Variants in BPIFC observed in about 807,000 individuals in gnomAD.
BPIFC encodes the protein BPI fold-containing family C protein.
A neutral mutation model predicts 57.6 loss-of-function variants in BPIFC; 60 were observed. The observed-to-expected ratio is 1.04, with a 90% CI of 0.85 to 1.29. The LOEUF is 1.29. BPIFC is among the 50% of genes most tolerant of loss of function. BPIFC has a pLI of 0.00. For missense variants in BPIFC, 581 were observed against 600.5 expected (o/e 0.97, Z 0.34); for synonymous variants, 243 against 224.5 (o/e 1.08, Z -0.74).
chr22:32,432,502 C>T lies in BPIFC; in HGVS notation c.1020G>A (p.Arg340=), dbSNP rs775734163. The change falls in exon 12 of 17, where the codon AGG becomes AGA. Residue 340 remains arginine (R), a synonymous_variant. Coordinates refer to ENST00000300399, the MANE Select transcript of BPIFC (RefSeq NM_174932.3). ...IYILSQPFMV[R]IMATEPPIIN... ...TTATGGGAGGCTCTGTGGCCATGAT[C>T]CTCACCATGAAGGGCTGGGACAAGA... 3.9e-5 allele frequency: 63 copies of T among 1,613,996 alleles called. No individual in the cohort carries two copies. The highest frequency in any genetic ancestry group is 5.2e-5 in the Non-Finnish European group (61 of 1,180,034).
rs1569448041 is a variant in BPIFC, at chr22:32,424,675, T to TCCTCCTCCTCCTCCTCCTCCTCC, written c.1218-5272_1218-5271insGGAGGAGGAGGAGGAGGAGGAGG. On this transcript the variant is annotated intron_variant, in intron 13 of 16. Transcript: ENST00000300399. ...CTTCTTCTTCTTCTTCTTCTTCTTC[T>TCCTCCTCCTCCTCCTCCTCCTCC]TCTTCTTCTTCTTCTTCCTCTTCTT... Among the ~76,000 whole-genome samples, 16 of 85,000 alleles carry TCCTCCTCCTCCTCCTCCTCCTCC rather than the reference T, an allele frequency of 1.9e-4. 2 individuals carry two copies. Among genetic ancestry groups the TCCTCCTCCTCCTCCTCCTCCTCC allele is most frequent in the Non-Finnish European group, 2.1e-4 (10 of 47,840 alleles). 55.8% of individuals were successfully genotyped at this position (85,000 alleles called of 152,430 possible).
At position 32,453,498 on chromosome 22, in the gene BPIFC, G is replaced by A; in HGVS notation, c.130C>T (p.Gln44Ter). The A allele has an allele frequency of 6.3e-7, 1 of 1,585,620 alleles. No homozygotes were observed. Among genetic ancestry groups the A allele is most frequent in the Non-Finnish European group, 8.5e-7 (1 of 1,171,290 alleles). The change falls in exon 4 of 17, where the codon CAA (glutamine) becomes TAA (stop). Residue 44 changes from glutamine to a stop codon, truncating the protein, a stop_gained. Coordinates refer to ENST00000300399, the MANE Select transcript of BPIFC (RefSeq NM_174932.3). LOFTEE classifies it high-confidence loss of function. Reference sequence around the variant, plus strand: ...TGCTCAATCATCTTCATTCCAGCTTGAACACCTGTGAAGGAAACAAGAAAG... The same window carrying A: ...TGCTCAATCATCTTCATTCCAGCTTAAACACCTGTGAAGGAAACAAGAAAG... ...ITQRALDYGV[Q>*]AGMKMIEQML...
chr22:32,451,701 A>G (rs1934900151), intron 4 of BPIFC, among the ~76,000 whole-genome samples: 2 of 151,946 alleles, frequency 1.3e-5, no homozygotes. Context: ...TATAATAAAT[A>G]TATATATAAA....
rs61507713 is a variant in BPIFC, at chr22:32,445,713, GAAAAAAAA to G, written c.531-23_531-16del. On this transcript the variant is annotated splice_polypyrimidine_tract_variant and intron_variant, in intron 6 of 16. Coordinates refer to ENST00000300399, the MANE Select transcript of BPIFC (RefSeq NM_174932.3). ...TATACAGAACACTGAGGAAAAAAAT[GAAAAAAAA>G]AAAAAAAAAAAAAAGAGGTTACTCA... is the stretch of plus-strand genomic sequence containing the variant. The G allele has an allele frequency of 3.1e-5, 22 of 711,288 alleles. No homozygotes were observed. Among genetic ancestry groups the G allele is most frequent in the Middle Eastern group, 4.9e-4 (1 of 2,042 alleles). The allele number at this position is 711,288 out of a possible 1,614,324, so 44.1% of individuals were successfully genotyped here. A position where few individuals can be genotyped will look rare whatever the true frequency, so the allele number is the denominator to read the frequency against.
chr22:32,423,577 G>GGTGTGTGTGTGTGTGTGTGT (rs369571670), intron 13 of BPIFC, among the ~76,000 whole-genome samples: 12 of 143,262 alleles, frequency 8.4e-5, no homozygotes, highest in African/African-American at 2.9e-4. Flanking sequence ...GTAGGGTGTG[G>GGTGTGTGTGTGTGTGTGTGT]GTGTGTGTGT....
intron 1 of BPIFC, among the ~76,000 whole-genome samples, chr22:32,461,912 G>T (rs866750927): frequency 1.7e-4 from 26 of 152,076 alleles, no homozygotes; most frequent in Non-Finnish European, 2.9e-5. Context: ...GGTGGCTCAC[G>T]CCTATAATCC....
At position 32,445,863 on chromosome 22, in the gene BPIFC, C is replaced by G. The variant is rs369957427; in HGVS notation, c.508G>C (p.Val170Leu). ...DCYAQLSHAH[V>L]SFSGELSVLY... is the part of the protein sequence containing the mutation. ...CACCTGAGTTCTCCGGAAAATGAGA[C>G]GTGGGCATGGCTCAGTTGGGCGTAG... The change falls in exon 6 of 17, where the codon GTC (valine) becomes CTC (leucine). Residue 170 changes from valine (V) to leucine (L), a missense_variant. Transcript: ENST00000300399. 1.1e-5 allele frequency: 18 copies of G among 1,614,012 alleles called. No homozygotes were observed. In the African/African-American group the frequency reaches 1.6e-4, roughly 14 times the overall value.
intron 4 of BPIFC, among the ~76,000 whole-genome samples, chr22:32,450,157 T>TAC (rs1475881854): frequency 1.7e-5 from 2 of 119,254 alleles, no homozygotes; most frequent in East Asian, 2.1e-4. Context: ...TACACATATA[T>TAC]ACACACATAT....
chr22:32,433,607 A>G, intron 11 of BPIFC, 112 bp downstream of exon 11: 1 of 918,358 alleles, frequency 1.1e-6, no homozygotes, highest in Non-Finnish European at 1.7e-6. Context: ...AAAACTCCCA[A>G]TAATAGACAG....
At chr22:32,447,365 AG>A (rs759827979) in intron 4 of BPIFC, 25 bp from the exon 5 acceptor site, 2 of 1,606,056 alleles carry the variant, frequency 1.2e-6, no homozygotes, top group Non-Finnish European at 1.7e-6. Flanking sequence ...ACAAGAAGTT[AG>A]GGCGACTCTT....
chr22:32,417,192 T>A (rs1487418852), intron 14 of BPIFC, 44 bp from the exon 15 acceptor site: 2 of 524,268 alleles, frequency 3.8e-6, no homozygotes, highest in Non-Finnish European at 5.6e-6. Context: ...GATCGGGCTT[T>A]TTTTTTTTTT....
At chr22:32,444,987 T>C (rs868298237) in intron 7 of BPIFC, among the ~76,000 whole-genome samples, 4 of 152,246 alleles carry the variant, frequency 2.6e-5, no homozygotes, top group African/African-American at 9.6e-5. Flanking sequence ...TCCTAGTCCA[T>C]GGCAGCTGAG....
rs537181632 is a variant in BPIFC at position 32,454,469 on chromosome 22, G to C, written c.125-966C>G. On this transcript the variant is annotated intron_variant, in intron 3 of 16. Coordinates refer to ENST00000300399, the MANE Select transcript of BPIFC (RefSeq NM_174932.3). ...TGTTTCATCCTGGAATAACTCATCAGCTTCTTTATATGGAAGCATCACACG... is the reference window on the plus strand; with the variant it reads ...TGTTTCATCCTGGAATAACTCATCACCTTCTTTATATGGAAGCATCACACG... 8.5e-5 allele frequency among the ~76,000 whole-genome samples: 13 copies of C among 152,262 alleles called. No homozygotes were observed. The South Asian group carries it at 2.7e-3, about 32-fold the overall frequency.
rs1274916084 is a variant in BPIFC, at chr22:32,423,573, TGTGG to T, written c.1218-4173_1218-4170del. Among the ~76,000 whole-genome samples the T allele has an allele frequency of 2.8e-4, 36 of 129,544 alleles. 1 individual carries two copies. Among genetic ancestry groups the T allele is most frequent in the East Asian group, 2.5e-3 (10 of 4,018 alleles). 85.0% of individuals were successfully genotyped at this position (129,544 alleles called of 152,430 possible). On this transcript the variant is annotated intron_variant, in intron 13 of 16. Coordinates refer to ENST00000300399, the MANE Select transcript of BPIFC (RefSeq NM_174932.3). ...ATGTTGCTTGGGAGGAGTTGTAGGG[TGTGG>T]GTGTGTGTGTGTGTGTGTGTGTGTG...
chr22:32,452,556 A>G (rs1020712666), intron 4 of BPIFC, among the ~76,000 whole-genome samples: 3 of 151,730 alleles, frequency 2.0e-5, no homozygotes, highest in Non-Finnish European at 2.9e-5. Flanking sequence ...GGAGAATGGC[A>G]TGAACCTGGA....
At position 32,431,359 on chromosome 22, in the gene BPIFC, A is replaced by G; in HGVS notation, c.1205T>C (p.Leu402Ser). 9 of 1,610,712 alleles carry G rather than the reference A, an allele frequency of 5.6e-6. No homozygotes were observed. In the South Asian group the frequency reaches 9.9e-5, roughly 18 times the overall value. ...VILGQRLVCS[L>S]SLNRFRLALP... ...TGATTGATCTTACCTGTTCAGAGAC[A>G]AGGAGCAGACCAGTCTTTGTCCCAA... Residue 402 changes from leucine to serine, a missense_variant, in exon 13 of 17, where the codon TTG (leucine) becomes TCG (serine). Transcript: ENST00000300399.
intron 4 of BPIFC, among the ~76,000 whole-genome samples, chr22:32,450,033 C>T (rs1462578222): frequency 2.0e-5 from 3 of 151,410 alleles, no homozygotes; most frequent in African/African-American, 4.9e-5. Flanking sequence ...CACGCCCAGC[C>T]GTGTACATGT....
At chr22:32,437,695 A>G in intron 9 of BPIFC, 65 bp downstream of exon 9, 1 of 1,238,558 alleles carries the variant, frequency 8.1e-7, no homozygotes, top group South Asian at 1.2e-5. Context: ...CCAGTCCATA[A>G]TCATTGTTTT....
In BPIFC at chr22:32,417,132, T is replaced by G; in HGVS notation, c.1277A>C (p.Asn426Thr). The change falls in exon 15 of 17, where the codon AAT becomes ACT. Residue 426 changes from asparagine (N) to threonine (T), a missense_variant. Physicochemically the swap from Asn to Thr is moderately conservative, Grantham distance 65. Coordinates refer to ENST00000300399, the MANE Select transcript of BPIFC (RefSeq NM_174932.3). The stretch of plus-strand genomic sequence containing the variant: ...AAAGTGAAGAATGGACGATAGAATA[T>G]TTTCAAACCTCAAGACCTAAAATAA... The part of the protein sequence containing the change: ...RSNIEVLRFE[N>T]ILSSILHFGV... 2 of 1,607,126 alleles carry G rather than the reference T, an allele frequency of 1.2e-6. No individual in the cohort carries two copies. The highest frequency in any genetic ancestry group is 1.7e-6 in the Non-Finnish European group (2 of 1,173,920).
Sources: allele counts gnomAD v4.1 joint callset (sites outside exome capture counted in the v4.1 genomes callset), GRCh38; gene constraint gnomAD v4.1.1; transcripts MANE v1.5; gene names NCBI Gene and HGNC (gene_info 2026-07-23, HGNC 2026-07-21).